The following TPH1 variants were observed in gnomAD, a reference collection of about 807,000 sequenced individuals.
TPH1 encodes tryptophan 5-hydroxylase 1.
In TPH1, 37 loss-of-function variants were observed where a neutral mutation model predicts 49.5. The observed-to-expected ratio is 0.75, with a 90% CI of 0.58 to 0.98. The LOEUF is 0.98. TPH1 is among the 50% of genes least tolerant of loss of function. The probability of loss-of-function intolerance (pLI) is 0.00; values close to 1 mark genes in which losing one functional copy is unlikely to be tolerated. For synonymous variants in TPH1, 160 were observed against 182.1 expected (o/e 0.88, Z 0.98); for missense variants, 487 against 523.6 (o/e 0.93, Z 0.68).
At chr11:18,029,136 C>T in intron 6 of TPH1, 29 bp downstream of exon 6, 1 of 1,388,666 alleles carries the variant, frequency 7.2e-7, no homozygotes, top group Non-Finnish European at 1.0e-6. Context: ...TTCAGCAACT[C>T]CCTTACAAAA....
At chr11:18,036,489 G>C (rs2134032881) in intron 2 of TPH1, among the ~76,000 whole-genome samples, 1 of 152,268 alleles carries the variant, frequency 6.6e-6, no homozygotes, top group South Asian at 2.1e-4. Context: ...TTTTCAAAAA[G>C]TGATACCAAT....
chr11:18,025,715 A>G lies in TPH1; in HGVS notation c.804-14T>C, dbSNP rs373441580. On this transcript the variant is annotated splice_polypyrimidine_tract_variant and intron_variant, in intron 7 of 10. Coordinates refer to ENST00000682019, the MANE Select transcript of TPH1 (RefSeq NM_004179.3). The stretch of plus-strand genomic sequence containing the variant: ...TGGCAGGTATCTCTGAAAGAGAGGT[A>G]CAAGTTTGTCACGCTGCAGTGCTTA... 3 of 1,613,848 alleles carry G rather than the reference A, an allele frequency of 1.9e-6. No individual in the cohort carries two copies. Among genetic ancestry groups the G allele is most frequent in the Non-Finnish European group, 2.5e-6 (3 of 1,179,760 alleles).
In TPH1 at chr11:18,020,918, G is replaced by A. The variant is rs1854352517; in HGVS notation, c.*73C>T. The A allele has an allele frequency of 2.9e-6, 4 of 1,371,052 alleles. No individual in the cohort carries two copies. The highest frequency in any genetic ancestry group is 1.2e-5 in the South Asian group (1 of 85,580). The allele number at this position is 1,371,052 out of a possible 1,614,324, so 84.9% of individuals were successfully genotyped here. ...GAAGATGCTGTCCCTCCAGGATCAG[G>A]TGTTCAAGGAAAGCAAGAGATGGCC... is the stretch of plus-strand genomic sequence containing the variant. On this transcript the variant is annotated 3_prime_UTR_variant, in exon 11 of 11. Coordinates refer to ENST00000682019, the MANE Select transcript of TPH1 (RefSeq NM_004179.3).
chr11:18,028,653 C>G (rs1030155538), intron 6 of TPH1, among the ~76,000 whole-genome samples: 5 of 152,208 alleles, frequency 3.3e-5, no homozygotes, highest in African/African-American at 1.2e-4. Flanking sequence ...TTTCCTCTAC[C>G]TTGGCTGCAG....
intron 3 of TPH1, among the ~76,000 whole-genome samples, chr11:18,035,407 C>CT: frequency 7.1e-6 from 1 of 140,624 alleles, no homozygotes; most frequent in East Asian, 2.1e-4. Flanking sequence ...TTTCTTTTTT[C>CT]TTTCTTTCTT....
chr11:18,022,802 T>C lies in TPH1; in HGVS notation c.1156A>G (p.Met386Val). The change falls in exon 10 of 11, where the codon ATG becomes GTG. Residue 386 changes from methionine (M) to valine (V), a missense_variant. Met to Val is a conservative substitution (Grantham distance 21, BLOSUM62 1). Transcript: ENST00000682019. ...SESFEDAKEK[M>V]REFTKTIKRP... ...CGTGAAGAAGATATACTGTACCTCA[T>C]CTTCTCCTTTGCATCTTCAAAACTT... 6.2e-7 allele frequency: 1 copy of C among 1,613,116 alleles called. No individual in the cohort carries two copies. The highest frequency in any genetic ancestry group is 8.5e-7 in the Non-Finnish European group (1 of 1,179,344).
In TPH1 at chr11:18,018,496, C is replaced by G. The variant is rs573126308; in HGVS notation, c.*2495G>C. On this transcript the variant is annotated 3_prime_UTR_variant, in exon 11 of 11. Transcript: ENST00000682019. ...CCTGGCTAACACGGTGAAACCTTGT[C>G]TCTACTAAAAATACAAAAAATGAGC... 6.6e-6 allele frequency: 1 copy of G among 151,666 alleles called. No homozygotes were observed. The highest frequency in any genetic ancestry group is 2.1e-4 in the South Asian group (1 of 4,786). 9.4% of individuals were successfully genotyped at this position (151,666 alleles called of 1,614,324 possible). A position where few individuals can be genotyped will look rare whatever the true frequency, so the allele number is the denominator to read the frequency against.
In TPH1 at chr11:18,033,827, C is replaced by T. The variant is rs1848017140; in HGVS notation, c.302-453G>A. ...ATCTTCTCACCATTCCTCAGACACG[C>T]AAGCCCTCATAAGACTATGGGGTTT... On this transcript the variant is annotated intron_variant, in intron 3 of 10. Coordinates refer to ENST00000682019, the MANE Select transcript of TPH1 (RefSeq NM_004179.3). 4.6e-5 allele frequency among the ~76,000 whole-genome samples: 7 copies of T among 152,196 alleles called. No homozygotes were observed. The South Asian group carries it at 1.4e-3, about 31-fold the overall frequency.
At chr11:18,026,942 G>C (rs1238852043) in intron 6 of TPH1, among the ~76,000 whole-genome samples, 1 of 152,098 alleles carries the variant, frequency 6.6e-6, no homozygotes, top group Admixed American at 6.5e-5. Flanking sequence ...GTTGATAAAG[G>C]CAGAATGAAA....
At chr11:18,031,096 C>T (rs1223680464) in intron 4 of TPH1, among the ~76,000 whole-genome samples, 1 of 152,160 alleles carries the variant, frequency 6.6e-6, no homozygotes, top group Non-Finnish European at 1.5e-5. Context: ...AAACACCATG[C>T]TCATTAGCAA....
chr11:18,032,632 A>G (rs1008034668), intron 4 of TPH1, among the ~76,000 whole-genome samples: 4 of 123,158 alleles, frequency 3.2e-5, no homozygotes, highest in Admixed American at 2.2e-4. Flanking sequence ...TGCAAGCTCC[A>G]CCTCCCAGGT....
intron 1 of TPH1, among the ~76,000 whole-genome samples, chr11:18,045,505 C>T (rs552594730): frequency 6.7e-6 from 1 of 150,014 alleles, no homozygotes; most frequent in Admixed American, 6.6e-5. Context: ...CTAACAGGCA[C>T]AAACTTTTCC....
chr11:18,032,059 T>C (rs1008277821), intron 4 of TPH1, among the ~76,000 whole-genome samples: 9 of 152,160 alleles, frequency 5.9e-5, no homozygotes, highest in Admixed American at 5.9e-4. Context: ...ATTGGACAGA[T>C]CATCTAGTGG....
intron 4 of TPH1, among the ~76,000 whole-genome samples, chr11:18,029,899 G>T (rs2056246): frequency 0.34 from 51,686 of 151,900 alleles, 9,528 homozygotes; most frequent in East Asian, 0.47. Context: ...AGGGTGAGGG[G>T]TTTTTTCCTT....
chr11:18,021,081 C>A lies in TPH1; in HGVS notation c.1245G>T (p.Lys415Asn). 1.2e-6 allele frequency: 2 copies of A among 1,614,098 alleles called. No individual in the cohort carries two copies. Among genetic ancestry groups the A allele is most frequent in the Non-Finnish European group, 1.7e-6 (2 of 1,179,996 alleles). The change falls in exon 11 of 11, where the codon AAG becomes AAT. Residue 415 changes from lysine (K) to asparagine (N), a missense_variant. Physicochemically the swap from Lys to Asn is moderately conservative, Grantham distance 94. Transcript: ENST00000682019. ...GCTCATTCATGGCACTGGTTATGCTCTTGGTGTCTTTCAGGATCTGAATAC... is the reference window on the plus strand; with the variant it reads ...GCTCATTCATGGCACTGGTTATGCTATTGGTGTCTTTCAGGATCTGAATAC... ...TRSIQILKDT[K>N]SITSAMNELQ...
rs773120111 is a variant in TPH1 at position 18,020,942 on chromosome 11, C to T, written c.*49G>A. 6.3e-7 allele frequency: 1 copy of T among 1,589,420 alleles called. No individual in the cohort carries two copies. The highest frequency in any genetic ancestry group is 1.1e-5 in the South Asian group (1 of 90,296). The stretch of plus-strand genomic sequence containing the variant: ...GGTGTTCAAGGAAAGCAAGAGATGG[C>T]CCAGACCTCCGAATTGATGCTCAAA... On this transcript the variant is annotated 3_prime_UTR_variant, in exon 11 of 11. Transcript: ENST00000682019.
Position 18,022,929 on chromosome 11 carries a change from A to G in TPH1, c.1029T>C (p.His343=). 1 of 1,613,258 alleles carries G rather than the reference A, an allele frequency of 6.2e-7. No homozygotes were observed. Among genetic ancestry groups the G allele is most frequent in the Non-Finnish European group, 8.5e-7 (1 of 1,179,460 alleles). Residue 343 remains histidine, a splice_region_variant and synonymous_variant, in exon 10 of 11, where the codon CAT becomes CAC. Transcript: ENST00000682019. ...GLLSSISELK[H]ALSGHAKVKP... ...TTACTTTGGCATGTCCAGAAAGTGCATGCTAGAAGACAAAGAGTCAGTGAA... is the reference window on the plus strand; with the variant it reads ...TTACTTTGGCATGTCCAGAAAGTGCGTGCTAGAAGACAAAGAGTCAGTGAA...
At chr11:18,030,747 AAAG>A (rs1457353428) in intron 4 of TPH1, among the ~76,000 whole-genome samples, 1 of 152,172 alleles carries the variant, frequency 6.6e-6, no homozygotes, top group Non-Finnish European at 1.5e-5. Context: ...CTAAGACACA[AAAG>A]AAGAGTGGAA....
At chr11:18,026,435 G>A (rs1847929581) in intron 7 of TPH1, 55 bp downstream of exon 7, 3 of 1,241,790 alleles carry the variant, frequency 2.4e-6, no homozygotes, top group African/African-American at 3.1e-5. Flanking sequence ...TAAGGTAGAT[G>A]CCATTATTAT....
Sources: gnomAD v4.1 joint callset for allele counts (sites outside exome capture counted in the v4.1 genomes callset) on GRCh38, gnomAD v4.1.1 for gene constraint, MANE v1.5 for transcripts, NCBI Gene and HGNC (gene_info 2026-07-23, HGNC 2026-07-21) for gene names.